Variants in DNAH11 observed in about 807,000 individuals in gnomAD.
DNAH11 encodes axonemal beta dynein heavy chain 11.
Under a neutral mutation model 526.0 loss-of-function variants are expected in DNAH11, and 442 were observed. The ratio of observed to expected loss-of-function variants is 0.84; its 90% CI spans 0.78 to 0.91. The LOEUF (loss-of-function observed/expected upper bound fraction) is 0.91. Ranked by LOEUF, DNAH11 falls within the 40% of genes least tolerant of loss-of-function variation. The probability of loss-of-function intolerance (pLI) is 0.00; values close to 1 mark genes in which losing one functional copy is unlikely to be tolerated. For missense variants in DNAH11, 6,989 were observed against 5,448.7 expected, an observed-to-expected ratio of 1.28 and a Z score of -8.90; for synonymous variants, 2,461 against 1,935.9, an observed-to-expected ratio of 1.27 and a Z score of -7.12.
intron 46 of DNAH11, among the ~76,000 whole-genome samples, chr7:21,738,425 A>G (rs1785712056): frequency 1.3e-5 from 2 of 152,288 alleles, no homozygotes; most frequent in South Asian, 4.2e-4. Flanking sequence ...GGGTTGTTTC[A>G]GCTGTGATGA....
At chr7:21,728,277 A>C (rs1208530688) in intron 45 of DNAH11, among the ~76,000 whole-genome samples, 1 of 65,886 alleles carries the variant, frequency 1.5e-5, no homozygotes, top group Non-Finnish European at 2.7e-5. Context: ...TTTTTTTTTG[A>C]GACAGAGTCT....
chr7:21,829,617 G>C (rs1790459651), intron 65 of DNAH11, among the ~76,000 whole-genome samples: 2 of 152,206 alleles, frequency 1.3e-5, no homozygotes, highest in Admixed American at 6.5e-5. Flanking sequence ...CAGGTACTCA[G>C]AGTATCTGAT....
At chr7:21,682,669 G>A (rs529983556) in intron 31 of DNAH11, among the ~76,000 whole-genome samples, 7 of 152,006 alleles carry the variant, frequency 4.6e-5, no homozygotes, top group African/African-American at 1.2e-4. Flanking sequence ...ACTGGGTTAC[G>A]CTTGTTTGGT....
At chr7:21,681,746 G>A in intron 31 of DNAH11, 69 bp downstream of exon 31, 1 of 1,584,474 alleles carries the variant, frequency 6.3e-7, no homozygotes, top group South Asian at 1.1e-5. Flanking sequence ...TGCCAGAGTA[G>A]TTCCAAGAAA....
Position 21,571,926 on chromosome 7 carries a change from A to G in DNAH11, c.1546A>G (p.Lys516Glu). The G allele has an allele frequency of 6.2e-7, 1 of 1,609,364 alleles. No homozygotes were observed. Among genetic ancestry groups the G allele is most frequent in the South Asian group, 1.1e-5 (1 of 89,900 alleles). ...EMSEELMELC[K>E]LFKQSTYDPS... ...GAGTGAAGAACTTATGGAACTCTGT[A>G]AACTTTTTAAACAGAGCACTTATGA... The change falls in exon 8 of 82, where the codon AAA becomes GAA. Residue 516 changes from lysine (K) to glutamate (E), a missense_variant. Lys to Glu is a moderately conservative substitution (Grantham distance 56, BLOSUM62 1). Transcript: ENST00000409508.
intron 28 of DNAH11, among the ~76,000 whole-genome samples, chr7:21,642,752 G>A (rs1031268831): frequency 6.6e-6 from 1 of 152,124 alleles, no homozygotes; most frequent in African/African-American, 2.4e-5. Context: ...GTCCAAGTGA[G>A]AGTTTCTGCA....
intron 76 of DNAH11, among the ~76,000 whole-genome samples, 189 bp downstream of exon 76, chr7:21,884,599 T>C (rs1182455362): frequency 6.6e-6 from 1 of 152,174 alleles, no homozygotes; most frequent in Non-Finnish European, 1.5e-5. Context: ...ATCTGCATTT[T>C]CACAAGTCTT....
At position 21,600,036 on chromosome 7, in the gene DNAH11, G is replaced by A. The variant is rs72656000; in HGVS notation, c.2917G>A (p.Val973Ile). ...REAGDGFYDL[V>I]EEMLCNSFRM... ...GGCTGGGGATGGCTTCTATGATCTT[G>A]TAGAAGAAATGTTATGCAATAGTTT... The change falls in exon 15 of 82, where the codon GTA (valine) becomes ATA (isoleucine). Residue 973 changes from valine to isoleucine, a missense_variant. Coordinates refer to ENST00000409508, the MANE Select transcript of DNAH11 (RefSeq NM_001277115.2). The A allele has an allele frequency of 6.2e-7, 1 of 1,610,384 alleles. No individual in the cohort carries two copies. Among genetic ancestry groups the A allele is most frequent in the East Asian group, 2.2e-5 (1 of 44,752 alleles).
In DNAH11 at chr7:21,543,423, C is replaced by G. The variant is rs1256071786; in HGVS notation, c.178C>G (p.Arg60Gly). The G allele has an allele frequency of 1.9e-6, 3 of 1,555,850 alleles. No homozygotes were observed. The highest frequency in any genetic ancestry group is 2.6e-6 in the Non-Finnish European group (3 of 1,149,036). Residue 60 changes from arginine (R) to glycine (G), a missense_variant, in exon 1 of 82, where the codon CGC becomes GGC. Coordinates refer to ENST00000409508, the MANE Select transcript of DNAH11 (RefSeq NM_001277115.2). Reference protein sequence around the residue: ...ARSFAQDARVRFLGGRLAMML... With the variant: ...ARSFAQDARVGFLGGRLAMML... ...GAGTTTCGCCCAAGACGCGCGGGTG[C>G]GCTTCCTCGGCGGCCGCCTGGCGAT...
intron 65 of DNAH11, among the ~76,000 whole-genome samples, chr7:21,838,581 C>T (rs996276981): frequency 3.3e-5 from 5 of 152,102 alleles, no homozygotes; most frequent in Non-Finnish European, 5.9e-5. Context: ...TGACTTCTTT[C>T]ACTTTGTACA....
intron 63 of DNAH11, among the ~76,000 whole-genome samples, chr7:21,814,586 A>G (rs1047958859): frequency 8.5e-5 from 12 of 141,458 alleles, no homozygotes; most frequent in African/African-American, 1.3e-4. Flanking sequence ...TCCTTGTTCA[A>G]TTCCCACCTA....
chr7:21,613,631 G>A (rs550916856), intron 20 of DNAH11, among the ~76,000 whole-genome samples: 5 of 152,286 alleles, frequency 3.3e-5, no homozygotes, highest in Admixed American at 2.0e-4. Flanking sequence ...GGTGACTATA[G>A]TTAATAGCAA....
chr7:21,637,725 T>C, intron 27 of DNAH11, 23 bp downstream of exon 27: 1 of 1,404,572 alleles, frequency 7.1e-7, no homozygotes, highest in South Asian at 1.4e-5. Flanking sequence ...CTATATAAGA[T>C]AATCAATTTA....
chr7:21,719,296 G>A (rs1055332877), intron 43 of DNAH11, among the ~76,000 whole-genome samples: 3 of 152,188 alleles, frequency 2.0e-5, no homozygotes, highest in African/African-American at 4.8e-5. Flanking sequence ...GCTATCTTGA[G>A]AAATTAATGC....
At chr7:21,810,302 C>T (rs567903443) in intron 63 of DNAH11, among the ~76,000 whole-genome samples, 1 of 152,162 alleles carries the variant, frequency 6.6e-6, no homozygotes, top group Non-Finnish European at 1.5e-5. Flanking sequence ...AATCAGACCT[C>T]CTGATTTCCA....
At chr7:21,766,430 G>C (rs1787188939) in intron 55 of DNAH11, among the ~76,000 whole-genome samples, 1 of 152,176 alleles carries the variant, frequency 6.6e-6, no homozygotes, top group African/African-American at 2.4e-5. Context: ...GAATAGGTCA[G>C]ACACTGAAAG....
At chr7:21,620,232 T>G (rs570526298) in intron 25 of DNAH11, among the ~76,000 whole-genome samples, 154 bp downstream of exon 25, 1 of 152,338 alleles carries the variant, frequency 6.6e-6, no homozygotes, top group South Asian at 2.1e-4. Context: ...TAACATTTTT[T>G]TTGTGGTGAA....
chr7:21,568,113 G>T (rs1399319006), intron 6 of DNAH11, among the ~76,000 whole-genome samples: 3 of 152,186 alleles, frequency 2.0e-5, no homozygotes, highest in Non-Finnish European at 2.9e-5. Context: ...TAGAGAAGCA[G>T]CAGCAGGGAG....
chr7:21,821,615 C>T (rs921026023), intron 65 of DNAH11, among the ~76,000 whole-genome samples: 3 of 152,032 alleles, frequency 2.0e-5, no homozygotes, highest in Non-Finnish European at 4.4e-5. Context: ...TTTGGGGGTA[C>T]ATGAGATATT....
Sources: allele counts gnomAD v4.1 joint callset (sites outside exome capture counted in the v4.1 genomes callset), GRCh38; gene constraint gnomAD v4.1.1; transcripts MANE v1.5; gene names NCBI Gene and HGNC (gene_info 2026-07-23, HGNC 2026-07-21).